Variants in RBFOX1 observed in about 807,000 individuals in gnomAD.
RBFOX1 encodes RNA binding fox-1 homolog 1.
A neutral mutation model predicts 57.7 loss-of-function variants in RBFOX1; 8 were observed. That is an observed-to-expected ratio of 0.14 (90% CI 0.08 to 0.25). The LOEUF (loss-of-function observed/expected upper bound fraction) is 0.25. RBFOX1 is among the 10% of genes least tolerant of loss of function. RBFOX1 has a pLI of 1.00. For missense variants in RBFOX1, 611 were observed against 548.5 expected, an observed-to-expected ratio of 1.11 and a Z score of -1.14; for synonymous variants, 326 against 222.4, an observed-to-expected ratio of 1.47 and a Z score of -4.15.
rs886394418 is a variant in RBFOX1 at position 5,652,708 on chromosome 16, C to T, written c.318+53747C>T. Reference sequence around the variant, plus strand: ...ACATAAAGGGTATAAATGTGCCTTTCAGAGAGGCACAGTGGGAAGAACAAA... The same window carrying T: ...ACATAAAGGGTATAAATGTGCCTTTTAGAGAGGCACAGTGGGAAGAACAAA... On this transcript the variant is annotated intron_variant, in intron 3 of 19. Transcript: ENST00000641259. Among the ~76,000 whole-genome samples the T allele has an allele frequency of 2.0e-5, 3 of 152,142 alleles. 1 individual carries two copies. Among genetic ancestry groups the T allele is most frequent in the African/African-American group, 7.2e-5 (3 of 41,416 alleles).
chr16:6,572,257 A>G (rs1228003902), intron 2 of RBFOX1, among the ~76,000 whole-genome samples: 1 of 152,228 alleles, frequency 6.6e-6, no homozygotes, highest in African/African-American at 2.4e-5. Flanking sequence ...AATCTGTATC[A>G]AATTCTATAG....
intron 3 of RBFOX1, among the ~76,000 whole-genome samples, chr16:6,779,263 C>G (rs74901159): frequency 0.025 from 3,868 of 152,114 alleles, 184 homozygotes; most frequent in African/African-American, 0.087. Flanking sequence ...TGAGCACATG[C>G]AATATTTGTC....
At chr16:5,740,206 G>A (rs2151588679) in intron 3 of RBFOX1, among the ~76,000 whole-genome samples, 1 of 152,264 alleles carries the variant, frequency 6.6e-6, no homozygotes, top group South Asian at 2.1e-4. Flanking sequence ...GCTCCCTGAG[G>A]AGTTGGGGCC....
intron 2 of RBFOX1, 72 bp downstream of exon 2, chr16:6,317,129 G>C (rs2081208375): frequency 7.2e-7 from 1 of 1,383,734 alleles, no homozygotes; most frequent in South Asian, 1.3e-5. Context: ...TCTCTGAAAA[G>C]CTCTTTTCTG....
chr16:6,779,861 T>A (rs867496764), intron 3 of RBFOX1, among the ~76,000 whole-genome samples: 1 of 17,146 alleles, frequency 5.8e-5, no homozygotes, highest in Non-Finnish European at 8.9e-5. Context: ...TTATATATAT[T>A]TATATATTTA....
In RBFOX1 at chr16:7,441,892, C is replaced by G. The variant is rs185265138; in HGVS notation, c.28-76255C>G. Among the ~76,000 whole-genome samples the G allele has an allele frequency of 2.0e-5, 3 of 152,328 alleles. No homozygotes were observed. The East Asian group carries it at 5.8e-4, about 30-fold the overall frequency. The stretch of plus-strand genomic sequence containing the variant: ...GCCTCCGTAGTGCTCTCCTCCCACC[C>G]TTCCACAAATAAACGTGCCCAGAGA... On this transcript the variant is annotated intron_variant, in intron 4 of 15. Transcript: ENST00000550418.
intron 4 of RBFOX1, among the ~76,000 whole-genome samples, chr16:5,906,227 T>A (rs1204534401): frequency 6.6e-6 from 1 of 152,164 alleles, no homozygotes; most frequent in African/African-American, 2.4e-5. Context: ...TTCTTGTAGA[T>A]ACAATTAGTT....
At chr16:6,511,439 C>G (rs1275211639) in intron 2 of RBFOX1, among the ~76,000 whole-genome samples, 2 of 152,144 alleles carry the variant, frequency 1.3e-5, no homozygotes, top group African/African-American at 2.4e-5. Context: ...CTGCTCTGTT[C>G]CTAGGCCCTG....
chr16:6,909,072 A>C (rs1259184639), intron 3 of RBFOX1, among the ~76,000 whole-genome samples: 1 of 152,188 alleles, frequency 6.6e-6, no homozygotes, highest in Non-Finnish European at 1.5e-5. Flanking sequence ...GTGTAATTTA[A>C]AACAACACAA....
chr16:6,590,699 A>C (rs1245805410), intron 2 of RBFOX1, among the ~76,000 whole-genome samples: 1 of 152,214 alleles, frequency 6.6e-6, no homozygotes, highest in Non-Finnish European at 1.5e-5. Flanking sequence ...TCTTTCTAGA[A>C]AATGGGAGGA....
At chr16:6,984,514 C>G (rs1035646206) in intron 3 of RBFOX1, among the ~76,000 whole-genome samples, 2 of 152,150 alleles carry the variant, frequency 1.3e-5, no homozygotes, top group Non-Finnish European at 2.9e-5. Flanking sequence ...AGTCTCCTCA[C>G]CTTTAGTAGT....
intron 2 of RBFOX1, among the ~76,000 whole-genome samples, chr16:5,473,624 A>G (rs1437929352): frequency 7.3e-6 from 1 of 137,412 alleles, no homozygotes; most frequent in Non-Finnish European, 1.6e-5. Flanking sequence ...GATGGATGGA[A>G]GGATAGATGT....
chr16:6,404,811 A>G (rs568968818), intron 2 of RBFOX1, among the ~76,000 whole-genome samples: 1 of 152,294 alleles, frequency 6.6e-6, no homozygotes, highest in African/African-American at 2.4e-5. Flanking sequence ...CAGCAATGAC[A>G]TGAAGCATTT....
At chr16:7,005,970 G>A (rs532522575) in intron 3 of RBFOX1, among the ~76,000 whole-genome samples, 1 of 152,030 alleles carries the variant, frequency 6.6e-6, no homozygotes, top group Non-Finnish European at 1.5e-5. Flanking sequence ...CCCTACTCAG[G>A]ATCACGTAAC....
chr16:6,388,877 A>T (rs577305520), intron 2 of RBFOX1, among the ~76,000 whole-genome samples: 22 of 152,344 alleles, frequency 1.4e-4, no homozygotes, highest in African/African-American at 5.3e-4. Context: ...ATCTAAAAAA[A>T]GTTGAACTCA....
chr16:7,703,101 G>C (rs1319489831), intron 14 of RBFOX1, among the ~76,000 whole-genome samples: 1 of 144,114 alleles, frequency 6.9e-6, no homozygotes, highest in Non-Finnish European at 1.6e-5. Flanking sequence ...CATGCTTTTA[G>C]AACCACTGAA....
At chr16:5,621,133 G>C (rs1470682540) in intron 3 of RBFOX1, among the ~76,000 whole-genome samples, 1 of 152,240 alleles carries the variant, frequency 6.6e-6, no homozygotes, top group East Asian at 1.9e-4. Context: ...GAGCCAATGC[G>C]CCCAGCCTGC....
intron 2 of RBFOX1, among the ~76,000 whole-genome samples, chr16:6,419,825 G>T (rs2093725532): frequency 6.6e-6 from 1 of 152,102 alleles, no homozygotes; most frequent in African/African-American, 2.4e-5. Context: ...AGCTGTGCGG[G>T]GTATAGGCAT....
chr16:5,419,698 A>G (rs1054427840), intron 1 of RBFOX1, among the ~76,000 whole-genome samples: 3 of 152,030 alleles, frequency 2.0e-5, no homozygotes, highest in African/African-American at 7.2e-5. Context: ...TTTCTGTGGC[A>G]GGGCTCCCAG....
Sources: gnomAD v4.1 joint callset for allele counts (sites outside exome capture counted in the v4.1 genomes callset) on GRCh38, gnomAD v4.1.1 for gene constraint, MANE v1.5 for transcripts, NCBI Gene and HGNC (gene_info 2026-07-23, HGNC 2026-07-21) for gene names.